Variants in TRIQK observed in about 807,000 individuals in gnomAD.
TRIQK encodes the protein triple QxxK/R motif-containing protein.
Under a neutral mutation model 10.8 loss-of-function variants are expected in TRIQK, and 10 were observed. That is an observed-to-expected ratio of 0.92 (90% CI 0.57 to 1.57). TRIQK has a LOEUF of 1.57. TRIQK is among the 40% of genes most tolerant of loss of function. TRIQK has a pLI of 0.00. For synonymous variants in TRIQK, 33 were observed against 33.7 expected, an observed-to-expected ratio of 0.98 and a Z score of 0.07; for missense variants, 107 against 97.7, an observed-to-expected ratio of 1.09 and a Z score of -0.40.
chr8:92,947,310 C>T (rs1811589779), intron 2 of TRIQK, among the ~76,000 whole-genome samples: 1 of 151,070 alleles, frequency 6.6e-6, no homozygotes, highest in African/African-American at 2.4e-5. Context: ...TGGCCGGGCG[C>T]GGTGGCTCAC....
chr8:92,937,064 G>A (rs533199187), intron 2 of TRIQK, among the ~76,000 whole-genome samples: 1 of 151,790 alleles, frequency 6.6e-6, no homozygotes, highest in Non-Finnish European at 1.5e-5. Context: ...ATATGAACTA[G>A]GGAAACAATT....
At chr8:92,957,133 C>T (rs1177190667) in intron 1 of TRIQK, among the ~76,000 whole-genome samples, 5 of 151,922 alleles carry the variant, frequency 3.3e-5, no homozygotes, top group East Asian at 3.9e-4. Context: ...ACTCTCTTTC[C>T]TCTATGTATT....
At chr8:92,905,423 A>G (rs1809201541) in intron 3 of TRIQK, among the ~76,000 whole-genome samples, 1 of 152,212 alleles carries the variant, frequency 6.6e-6, no homozygotes, top group Admixed American at 6.5e-5. Context: ...TAAGTGGCAA[A>G]TCCTTAAAGA....
At chr8:92,949,233 T>A (rs1435836539) in intron 2 of TRIQK, among the ~76,000 whole-genome samples, 1 of 152,192 alleles carries the variant, frequency 6.6e-6, no homozygotes, top group African/African-American at 2.4e-5. Flanking sequence ...TAATGCTATA[T>A]TTTATGAGAA....
chr8:93,011,379 A>G (rs553001576), intron 1 of TRIQK, among the ~76,000 whole-genome samples: 1 of 152,186 alleles, frequency 6.6e-6, no homozygotes, highest in East Asian at 1.9e-4. Context: ...TTACAACAAT[A>G]TTTACTTTTT....
At chr8:92,925,651 T>C (rs1810410165) in intron 2 of TRIQK, among the ~76,000 whole-genome samples, 1 of 152,130 alleles carries the variant, frequency 6.6e-6, no homozygotes, top group African/African-American at 2.4e-5. Flanking sequence ...ACAGTAGTAA[T>C]CAGCAAAGTG....
At chr8:92,916,454 C>T (rs1809850644) in intron 3 of TRIQK, among the ~76,000 whole-genome samples, 2 of 152,084 alleles carry the variant, frequency 1.3e-5, no homozygotes, top group Admixed American at 6.5e-5. Context: ...CACATATGAC[C>T]TCTGGAGAAT....
At chr8:92,920,748 G>T (rs2130486502) in intron 2 of TRIQK, among the ~76,000 whole-genome samples, 1 of 151,876 alleles carries the variant, frequency 6.6e-6, no homozygotes, top group Non-Finnish European at 1.5e-5. Context: ...AGTAGAAATG[G>T]TAAGAAGGTT....
At chr8:92,934,323 C>G (rs887692155) in intron 2 of TRIQK, among the ~76,000 whole-genome samples, 2 of 151,882 alleles carry the variant, frequency 1.3e-5, no homozygotes, top group Non-Finnish European at 2.9e-5. Context: ...AATACATAAG[C>G]ATATGTATCA....
chr8:92,968,404 T>G (rs1045924182), upstream of TRIQK, among the ~76,000 whole-genome samples: 2 of 152,144 alleles, frequency 1.3e-5, no homozygotes, highest in Non-Finnish European at 2.9e-5. Context: ...TTGAACTAAT[T>G]GACACTCCCA....
chr8:92,904,660 C>T (rs1004787311), intron 3 of TRIQK, among the ~76,000 whole-genome samples: 1 of 152,120 alleles, frequency 6.6e-6, no homozygotes, highest in East Asian at 1.9e-4. Flanking sequence ...AGTATACTTA[C>T]AGTCCTACTG....
chr8:92,977,048 T>C (rs915167069), intron 1 of TRIQK, among the ~76,000 whole-genome samples: 1 of 152,036 alleles, frequency 6.6e-6, no homozygotes, highest in African/African-American at 2.4e-5. Context: ...AAATGTATAT[T>C]TACCCACATA....
intron 1 of TRIQK, among the ~76,000 whole-genome samples, chr8:93,003,451 C>T (rs1364211014): frequency 6.6e-6 from 1 of 152,090 alleles, no homozygotes; most frequent in Admixed American, 6.5e-5. Context: ...AATCACCTCC[C>T]ACTCCCACTA....
intron 1 of TRIQK, among the ~76,000 whole-genome samples, chr8:92,976,650 A>G (rs569221314): frequency 5.6e-4 from 85 of 152,022 alleles, no homozygotes; most frequent in African/African-American, 2.0e-3. Context: ...TGCTGATATA[A>G]TTGGGTTTAA....
chr8:92,993,005 A>T (rs1179574227), intron 1 of TRIQK, among the ~76,000 whole-genome samples: 1 of 152,178 alleles, frequency 6.6e-6, no homozygotes, highest in Admixed American at 6.5e-5. Context: ...CATACACTCC[A>T]ATCAAAGAGG....
intron 2 of TRIQK, among the ~76,000 whole-genome samples, chr8:92,948,120 C>G (rs1386240348): frequency 6.6e-6 from 1 of 152,084 alleles, no homozygotes; most frequent in Non-Finnish European, 1.5e-5. Context: ...TAATCATGAG[C>G]ATTTGTAGTA....
intron 2 of TRIQK, among the ~76,000 whole-genome samples, chr8:92,936,412 T>A (rs941598508): frequency 6.6e-6 from 1 of 151,404 alleles, no homozygotes; most frequent in African/African-American, 2.4e-5. Context: ...AAAGTTACAT[T>A]CAATACCCAT....
intron 2 of TRIQK, among the ~76,000 whole-genome samples, chr8:92,927,137 A>C (rs1372972301): frequency 6.6e-6 from 1 of 152,174 alleles, no homozygotes; most frequent in Non-Finnish European, 1.5e-5. Context: ...TACAAAAAAA[A>C]TGAATCTATT....
chr8:92,924,786 C>A (rs1017437356), intron 2 of TRIQK, among the ~76,000 whole-genome samples: 2 of 151,674 alleles, frequency 1.3e-5, no homozygotes, highest in African/African-American at 2.4e-5. Context: ...ATGTATTACT[C>A]ATATTAATAG....
Sources: gnomAD v4.1 joint callset for allele counts (sites outside exome capture counted in the v4.1 genomes callset) on GRCh38, gnomAD v4.1.1 for gene constraint, MANE v1.5 for transcripts, NCBI Gene and HGNC (gene_info 2026-07-23, HGNC 2026-07-21) for gene names.